SEMA7A: variants seen among roughly 807,000 people sequenced by gnomAD.
The protein encoded by SEMA7A is semaphorin-7A.
SEMA7A carries 21 observed loss-of-function variants against 67.5 expected under a neutral mutation model. The observed-to-expected ratio is 0.31, with a 90% CI of 0.22 to 0.45. SEMA7A has a LOEUF of 0.45. SEMA7A is among the 20% of genes least tolerant of loss of function. SEMA7A has a pLI of 1.00. For synonymous variants in SEMA7A, 364 were observed against 368.5 expected (o/e 0.99, Z 0.14); for missense variants, 774 against 908.6 (o/e 0.85, Z 1.90).
Position 74,416,691 on chromosome 15 carries a change from T to C in SEMA7A, c.685A>G (p.Ile229Val), listed in dbSNP as rs2060951537. The change falls in exon 7 of 14, where the codon ATC (isoleucine) becomes GTC (valine). Residue 229 changes from isoleucine to valine, a missense_variant. Coordinates refer to ENST00000261918, the MANE Select transcript of SEMA7A (RefSeq NM_003612.5). The part of the protein sequence containing the change: ...MQNPQFIKAT[I>V]VHQDQAYDDK... ...TCGTAAGCCTGGTCTTGGTGCACGATGGTGGCTTTGATGAACTGTGGGTCT... is the reference window on the plus strand; with the variant it reads ...TCGTAAGCCTGGTCTTGGTGCACGACGGTGGCTTTGATGAACTGTGGGTCT... The C allele has an allele frequency of 6.2e-7, 1 of 1,614,116 alleles. No individual in the cohort carries two copies. Among genetic ancestry groups the C allele is most frequent in the Non-Finnish European group, 8.5e-7 (1 of 1,179,982 alleles).
At chr15:74,432,854 G>A (rs1275512173) in intron 1 of SEMA7A, among the ~76,000 whole-genome samples, 8 of 152,082 alleles carry the variant, frequency 5.3e-5, no homozygotes, top group Non-Finnish European at 1.2e-4. Context: ...GTTCCTCGCG[G>A]CAGAAAGCCT....
chr15:74,425,660 T>C (rs2061038485), intron 1 of SEMA7A, among the ~76,000 whole-genome samples: 1 of 152,220 alleles, frequency 6.6e-6, no homozygotes, highest in Non-Finnish European at 1.5e-5. Context: ...TCCTATGCTT[T>C]GATGTTGCCC....
In SEMA7A at chr15:74,411,990, C is replaced by T. The variant is rs764450945; in HGVS notation, c.1317G>A (p.Val439=). 3 of 1,613,952 alleles carry T rather than the reference C, an allele frequency of 1.9e-6. No homozygotes were observed. The Admixed American group carries it at 5.0e-5, about 27-fold the overall frequency. Residue 439 remains valine, a synonymous_variant, in exon 11 of 14, where the codon GTG becomes GTA. Coordinates refer to ENST00000261918, the MANE Select transcript of SEMA7A (RefSeq NM_003612.5). This position sits in a 1 kb window ranked among gnomAD's most constrained non-coding sequence, Gnocchi z 4.4. The part of the protein sequence containing the change: ...LTTDRGTIHK[V]VEPGEQEHSF... ...TGTGCTCCTGCTCCCCCGGTTCCAC[C>T]ACCTTGTGGATAGTGCCCCTGTCTG...
chr15:74,433,668 G>T, intron 1 of SEMA7A, 73 bp downstream of exon 1: 1 of 1,339,168 alleles, frequency 7.5e-7, no homozygotes, highest in Non-Finnish European at 9.5e-7. Context: ...ACTCCCTCCG[G>T]GTGCAGCACA....
chr15:74,418,050 C>A, intron 3 of SEMA7A, 81 bp from the exon 4 acceptor site: 1 of 1,500,736 alleles, frequency 6.7e-7, no homozygotes, highest in Non-Finnish European at 9.2e-7. Context: ...CCCCCAGGAT[C>A]AGGGAAGAAG....
Position 74,416,705 on chromosome 15 carries a change from A to G in SEMA7A, c.671T>C (p.Phe224Ser). The change falls in exon 7 of 14, where the codon TTC becomes TCC. Residue 224 changes from phenylalanine (F) to serine (S), a missense_variant. Transcript: ENST00000261918. ...TTGGTGCACGATGGTGGCTTTGATGAACTGTGGGTCTGCCAGGGACAGAGG... is the reference window on the plus strand; with the variant it reads ...TTGGTGCACGATGGTGGCTTTGATGGACTGTGGGTCTGCCAGGGACAGAGG... Reference protein sequence around the residue: ...TSDTVMQNPQFIKATIVHQDQ... With the variant: ...TSDTVMQNPQSIKATIVHQDQ... 1.2e-6 allele frequency: 2 copies of G among 1,614,034 alleles called. No individual in the cohort carries two copies. The highest frequency in any genetic ancestry group is 1.7e-6 in the Non-Finnish European group (2 of 1,179,938).
At chr15:74,428,481 T>C (rs1421157543) in intron 1 of SEMA7A, among the ~76,000 whole-genome samples, 1 of 152,224 alleles carries the variant, frequency 6.6e-6, no homozygotes, top group Non-Finnish European at 1.5e-5. Context: ...TCTCTGACAT[T>C]TCTTTTCTGA....
chr15:74,411,047 T>G lies in SEMA7A; in HGVS notation c.1640-62A>C. The G allele has an allele frequency of 1.0e-5, 16 of 1,555,060 alleles. No homozygotes were observed. Among genetic ancestry groups the G allele is most frequent in the Non-Finnish European group, 1.2e-5 (14 of 1,151,734 alleles). ...CAAAGAGCTCCCAGGGGAGGATGTG[T>G]CCTCCCCACGGACTGGGATCCCAGG... On this transcript the variant is annotated intron_variant, in intron 13 of 13. Transcript: ENST00000261918. This position sits in a 1 kb window ranked among gnomAD's most constrained non-coding sequence, Gnocchi z 4.4.
Position 74,417,663 on chromosome 15 carries a change from C to G in SEMA7A, c.478G>C (p.Val160Leu). 3 of 1,611,226 alleles carry G rather than the reference C, an allele frequency of 1.9e-6. No homozygotes were observed. Among genetic ancestry groups the G allele is most frequent in the Non-Finnish European group, 2.5e-6 (3 of 1,179,318 alleles). Residue 160 changes from valine to leucine, a missense_variant, in exon 5 of 14, where the codon GTG becomes CTG. Physicochemically the swap from Val to Leu is conservative, Grantham distance 32. Coordinates refer to ENST00000261918, the MANE Select transcript of SEMA7A (RefSeq NM_003612.5). ...PSCWNLVNGT[V>L]VPLGEMRGYA... ...CCTCTCATCTCGCCAAGTGGCACCACAGTGCCATTCACCTGTGGGAGATCC... is the reference window on the plus strand; with the variant it reads ...CCTCTCATCTCGCCAAGTGGCACCAGAGTGCCATTCACCTGTGGGAGATCC...
At chr15:74,418,662 C>T (rs867806293) in intron 2 of SEMA7A, 139 bp downstream of exon 2, 1 of 958,918 alleles carries the variant, frequency 1.0e-6, no homozygotes, top group African/African-American at 1.6e-5. Context: ...GAGCCTCCCC[C>T]AGGAGCCATT....
chr15:74,430,861 C>T (rs2061082805), intron 1 of SEMA7A, among the ~76,000 whole-genome samples: 2 of 152,192 alleles, frequency 1.3e-5, no homozygotes, highest in Non-Finnish European at 2.9e-5. Context: ...CCCTGGGGAG[C>T]AGCCCCAGAA....
chr15:74,413,465 T>C (rs939615685), intron 10 of SEMA7A, among the ~76,000 whole-genome samples: 3 of 152,210 alleles, frequency 2.0e-5, no homozygotes, highest in Non-Finnish European at 4.4e-5. Flanking sequence ...AGGGAATCCA[T>C]GGCCCAAGTC....
In SEMA7A at chr15:74,417,872, C is replaced by T. The variant is rs1400551327; in HGVS notation, c.465+5G>A. On this transcript the variant is annotated splice_donor_5th_base_variant and intron_variant, in intron 4 of 13. Transcript: ENST00000261918. ...GATCAGGCACATGGGGAGCAGCCTT[C>T]TCACCAGGTTCCAGCAGCTGGGGTG... The T allele has an allele frequency of 1.2e-6, 2 of 1,613,400 alleles. No individual in the cohort carries two copies. Among genetic ancestry groups the T allele is most frequent in the Non-Finnish European group, 1.7e-6 (2 of 1,179,954 alleles).
intron 1 of SEMA7A, among the ~76,000 whole-genome samples, chr15:74,428,250 C>T (rs2061058797): frequency 6.6e-6 from 1 of 152,210 alleles, no homozygotes; most frequent in South Asian, 2.1e-4. Context: ...CTGGGCCCAA[C>T]TGGGCTAGCA....
rs141028242 is a variant in SEMA7A, at chr15:74,418,909, C to T, written c.222G>A (p.Pro74=). Residue 74 remains proline, a synonymous_variant, in exon 2 of 14, where the codon CCG becomes CCA. Coordinates refer to ENST00000261918, the MANE Select transcript of SEMA7A (RefSeq NM_003612.5). ...QDRVDFGQTE[P]HTVLFHEPGS... Reference sequence around the variant, plus strand: ...CTGGCTCGTGGAAAAGCACCGTGTGCGGCTCAGTCTGGCCAAAGTCCACCC... The same window carrying T: ...CTGGCTCGTGGAAAAGCACCGTGTGTGGCTCAGTCTGGCCAAAGTCCACCC... The T allele has an allele frequency of 2.0e-5, 33 of 1,613,696 alleles. No homozygotes were observed. The highest frequency in any genetic ancestry group is 1.1e-4 in the African/African-American group (8 of 74,938).
chr15:74,418,534 G>A (rs1241261168), intron 2 of SEMA7A, among the ~76,000 whole-genome samples: 1 of 151,200 alleles, frequency 6.6e-6, no homozygotes, highest in Non-Finnish European at 1.5e-5. Context: ...ATGGGCTCTG[G>A]GGCCCAGCTT....
intron 1 of SEMA7A, chr15:74,427,216 T>C (rs1371629256): frequency 2.0e-6 from 2 of 985,314 alleles, no homozygotes; most frequent in Non-Finnish European, 2.4e-6. Flanking sequence ...TCTGATGGGA[T>C]TTCATCTGGC....
chr15:74,433,811 C>G lies in SEMA7A; in HGVS notation c.108G>C (p.Leu36=). 7.2e-7 allele frequency: 1 copy of G among 1,384,294 alleles called. No individual in the cohort carries two copies. Among genetic ancestry groups the G allele is most frequent in the Non-Finnish European group, 9.3e-7 (1 of 1,072,444 alleles). The allele number at this position is 1,384,294 out of a possible 1,614,324, so 85.8% of individuals were successfully genotyped here. A position where few individuals can be genotyped will look rare whatever the true frequency, so the allele number is the denominator to read the frequency against. Residue 36 remains leucine, a synonymous_variant, in exon 1 of 14, where the codon CTG becomes CTC. Coordinates refer to ENST00000261918, the MANE Select transcript of SEMA7A (RefSeq NM_003612.5). The part of the protein sequence containing the change: ...GLPLRLRLLL[L]LWAAAASAQG... ...GGGCGGAGGCGGCGGCCGCCCAGAG[C>G]AGCAGCAGCAGCCGCAGCCGCAGCG...
At chr15:74,431,186 T>G (rs917569778) in intron 1 of SEMA7A, among the ~76,000 whole-genome samples, 1 of 152,252 alleles carries the variant, frequency 6.6e-6, no homozygotes, top group African/African-American at 2.4e-5. Flanking sequence ...CATCCTTGAC[T>G]GGCCCATGTG....
Sources: gnomAD v4.1 joint callset for allele counts (sites outside exome capture counted in the v4.1 genomes callset) on GRCh38, gnomAD v4.1.1 for gene constraint, Gnocchi (gnomAD v3.1) non-coding constraint, MANE v1.5 for transcripts, NCBI Gene and HGNC (gene_info 2026-07-23, HGNC 2026-07-21) for gene names.